TMEM132D: variants seen among roughly 807,000 people sequenced by gnomAD.
The protein encoded by TMEM132D is mature OL transmembrane protein.
Under a neutral mutation model 62.3 loss-of-function variants are expected in TMEM132D, and 21 were observed. The observed-to-expected ratio is 0.34, with a 90% CI of 0.24 to 0.49. The LOEUF is 0.49. Ranked by LOEUF, TMEM132D falls within the 20% of genes least tolerant of loss-of-function variation. The pLI is 0.99. For missense variants in TMEM132D, 1,346 were observed against 1,402.8 expected (o/e 0.96, Z 0.65); for synonymous variants, 621 against 575.6 (o/e 1.08, Z -1.13).
At chr12:129,240,220 G>A (rs1386104456) in intron 4 of TMEM132D, among the ~76,000 whole-genome samples, 1 of 152,172 alleles carries the variant, frequency 6.6e-6, no homozygotes, top group Non-Finnish European at 1.5e-5. Flanking sequence ...TTTAACATAT[G>A]TGTGTAATTA....
intron 5 of TMEM132D, among the ~76,000 whole-genome samples, chr12:129,152,621 A>G (rs555171742): frequency 6.6e-6 from 1 of 151,966 alleles, no homozygotes; most frequent in South Asian, 2.1e-4. Context: ...CTAGATGGGG[A>G]GAGAGGTCTC....
chr12:129,512,685 C>T (rs1218494825), intron 3 of TMEM132D, among the ~76,000 whole-genome samples: 2 of 152,216 alleles, frequency 1.3e-5, no homozygotes, highest in African/African-American at 4.8e-5. Context: ...CAACGAGGCT[C>T]ACTTATGTTT....
chr12:129,378,608 G>A (rs79913736), intron 3 of TMEM132D, among the ~76,000 whole-genome samples: 10,578 of 152,236 alleles, frequency 0.069, 428 homozygotes, highest in South Asian at 0.12. Flanking sequence ...TCTCAGGTCT[G>A]TCTGCCCTGA....
At chr12:129,274,583 A>G (rs1304808820) in intron 4 of TMEM132D, among the ~76,000 whole-genome samples, 1 of 152,150 alleles carries the variant, frequency 6.6e-6, no homozygotes, top group East Asian at 1.9e-4. Context: ...GTTTTACAAT[A>G]TATTTATTTT....
intron 2 of TMEM132D, among the ~76,000 whole-genome samples, chr12:129,550,994 C>T (rs905432632): frequency 1.3e-5 from 2 of 152,312 alleles, no homozygotes; most frequent in Non-Finnish European, 2.9e-5. Context: ...ACTTAAGAAG[C>T]TCAAGGCCAC....
chr12:129,091,306 A>T lies in TMEM132D; in HGVS notation c.1444-6604T>A, dbSNP rs538796189. On this transcript the variant is annotated intron_variant, in intron 5 of 8. Transcript: ENST00000422113. ...AACTCACATGGTCTCTGGGGACCTT[A>T]TATAGGCTCACAAGGGCTCTGAGGA... Among the ~76,000 whole-genome samples, 10 of 151,354 alleles carry T rather than the reference A, an allele frequency of 6.6e-5. No homozygotes were observed. In the South Asian group the frequency reaches 2.1e-3, roughly 32 times the overall value.
intron 3 of TMEM132D, among the ~76,000 whole-genome samples, chr12:129,366,868 G>A (rs1870431432): frequency 6.6e-6 from 1 of 152,222 alleles, no homozygotes; most frequent in East Asian, 1.9e-4. Flanking sequence ...CAACAGATGG[G>A]ATGAATCTCT....
intron 4 of TMEM132D, among the ~76,000 whole-genome samples, chr12:129,228,755 A>G (rs1370091282): frequency 6.6e-6 from 1 of 152,212 alleles, no homozygotes; most frequent in Non-Finnish European, 1.5e-5. Flanking sequence ...CTTTCCATTT[A>G]ACAAAAATCA....
chr12:129,524,248 A>G (rs1388972647), intron 3 of TMEM132D, among the ~76,000 whole-genome samples: 1 of 152,102 alleles, frequency 6.6e-6, no homozygotes, highest in Non-Finnish European at 1.5e-5. Context: ...AAATAAAAAA[A>G]TAAAAAGGTG....
intron 1 of TMEM132D, among the ~76,000 whole-genome samples, chr12:129,750,918 T>C (rs1869980705): frequency 6.6e-6 from 1 of 152,186 alleles, no homozygotes; most frequent in African/African-American, 2.4e-5. Flanking sequence ...CAAAACATCA[T>C]GTTGTACCCC....
At chr12:129,134,438 CTCT>C (rs1189246184) in intron 5 of TMEM132D, among the ~76,000 whole-genome samples, 2 of 152,126 alleles carry the variant, frequency 1.3e-5, no homozygotes, top group East Asian at 1.9e-4. Context: ...TCAGGGCTGG[CTCT>C]TCTTCTTTCT....
At chr12:129,119,880 A>G (rs771949903) in intron 5 of TMEM132D, among the ~76,000 whole-genome samples, 1 of 152,176 alleles carries the variant, frequency 6.6e-6, no homozygotes, top group Non-Finnish European at 1.5e-5. Flanking sequence ...CTGCAAAGGT[A>G]TGAGGCAGGG....
rs1264780841 is a variant in TMEM132D, at chr12:129,903,183, C to CCCCATCCTCCACACACT, written c.79+61_79+77dup. 7 of 1,457,254 alleles carry CCCCATCCTCCACACACT rather than the reference C, an allele frequency of 4.8e-6. No individual in the cohort carries two copies. The East Asian group carries it at 1.7e-4, about 36-fold the overall frequency. 90.3% of individuals were successfully genotyped at this position (1,457,254 alleles called of 1,614,324 possible). On this transcript the variant is annotated intron_variant, in intron 1 of 8. Transcript: ENST00000422113. The surrounding 1 kb of genome is among the most constrained non-coding windows in gnomAD (Gnocchi z 6.2). ...CACACGAGCCCTCTCTCCCGGCCGC[C>CCCCATCCTCCACACACT]CCCATCCTCCACACACTCCCACACA...
intron 1 of TMEM132D, among the ~76,000 whole-genome samples, chr12:129,743,351 C>T (rs1869667158): frequency 6.6e-6 from 1 of 152,212 alleles, no homozygotes; most frequent in Admixed American, 6.5e-5. Context: ...CAGTTACCCC[C>T]ATGCTGCTGT....
intron 3 of TMEM132D, among the ~76,000 whole-genome samples, chr12:129,346,341 T>C (rs1242645182): frequency 7.4e-6 from 1 of 135,154 alleles, no homozygotes; most frequent in Non-Finnish European, 1.6e-5. Context: ...TCTTCTTTAT[T>C]AGTCTGGCTA....
At chr12:129,151,536 G>A (rs1323226345) in intron 5 of TMEM132D, among the ~76,000 whole-genome samples, 1 of 152,192 alleles carries the variant, frequency 6.6e-6, no homozygotes, top group Non-Finnish European at 1.5e-5. Context: ...ACCACACCCA[G>A]GGGTGACATG....
intron 2 of TMEM132D, among the ~76,000 whole-genome samples, chr12:129,632,401 A>G (rs1879372673): frequency 6.6e-6 from 1 of 152,174 alleles, no homozygotes; most frequent in African/African-American, 2.4e-5. Context: ...CTCAGTTCTG[A>G]TGAGATTAGT....
intron 1 of TMEM132D, among the ~76,000 whole-genome samples, chr12:129,811,951 C>A (rs1432251939): frequency 6.6e-6 from 1 of 151,766 alleles, no homozygotes; most frequent in Non-Finnish European, 1.5e-5. Context: ...AGCCCACCCA[C>A]CTGACACATA....
At chr12:129,760,547 C>A (rs1437294603) in intron 1 of TMEM132D, among the ~76,000 whole-genome samples, 1 of 150,348 alleles carries the variant, frequency 6.7e-6, no homozygotes, top group African/African-American at 2.4e-5. Flanking sequence ...GATGGGGTAT[C>A]CTGTTAGCCA....
Sources: gnomAD v4.1 joint callset for allele counts (sites outside exome capture counted in the v4.1 genomes callset) on GRCh38, gnomAD v4.1.1 for gene constraint, Gnocchi (gnomAD v3.1) non-coding constraint, MANE v1.5 for transcripts, NCBI Gene and HGNC (gene_info 2026-07-23, HGNC 2026-07-21) for gene names.